RALYL: variants seen among roughly 807,000 people sequenced by gnomAD.
The protein encoded by RALYL is RNA-binding Raly-like protein.
Under a neutral mutation model 35.1 loss-of-function variants are expected in RALYL, and 29 were observed. That is an observed-to-expected ratio of 0.83 (90% CI 0.61 to 1.13). RALYL has a LOEUF of 1.13. RALYL is among the 50% of genes most tolerant of loss of function. The probability of loss-of-function intolerance (pLI) is 0.00; values close to 1 mark genes in which losing one functional copy is unlikely to be tolerated. For synonymous variants in RALYL, 120 were observed against 127.6 expected (o/e 0.94, Z 0.40); for missense variants, 359 against 360.4 (o/e 1.00, Z 0.03).
chr8:84,215,206 A>G (rs1044123117), intron 1 of RALYL, among the ~76,000 whole-genome samples: 3 of 152,172 alleles, frequency 2.0e-5, no homozygotes, highest in Non-Finnish European at 4.4e-5. Context: ...ACCAAAATAT[A>G]GTACACATTT....
At position 84,184,345 on chromosome 8, in the gene RALYL, G is replaced by GA. The variant is rs11369940; in HGVS notation, c.-92dup. 0.75 allele frequency: 110,760 copies of GA among 148,258 alleles called. 41,346 individuals are homozygous for GA. Among genetic ancestry groups the GA allele is most frequent in the Middle Eastern group, 0.79 (223 of 284 alleles). The allele number at this position is 148,258 out of a possible 1,614,324, so 9.2% of individuals were successfully genotyped here. A position where few individuals can be genotyped will look rare whatever the true frequency, so the allele number is the denominator to read the frequency against. On this transcript the variant is annotated 5_prime_UTR_variant, in exon 1 of 9. The change creates a new upstream start codon in the 5' untranslated region. Coordinates refer to ENST00000521268, the MANE Select transcript of RALYL (RefSeq NM_173848.7). ...ATGATGGCAGTGGAAGGTTTTTCTG[G>GA]AAAAAAAAAAATGAAGTGCGGTTTG...
chr8:84,887,456 T>A (rs544181154), intron 7 of RALYL, 148 bp from the exon 8 acceptor site: 29 of 544,240 alleles, frequency 5.3e-5, no homozygotes, highest in African/African-American at 4.2e-4. Context: ...ATTGAAAAAA[T>A]TCAACTTAAA....
intron 6 of RALYL, chr8:84,864,729 G>A: frequency 1.8e-6 from 1 of 569,510 alleles, no homozygotes; most frequent in Non-Finnish European, 3.4e-6. Context: ...CTTGAGTCAG[G>A]GAGCTTGGCA....
chr8:84,403,884 AG>A (rs1443884830), intron 1 of RALYL, among the ~76,000 whole-genome samples: 2 of 152,032 alleles, frequency 1.3e-5, no homozygotes, highest in African/African-American at 4.8e-5. Flanking sequence ...CTCCTTGAAG[AG>A]GTCCTTTATA....
chr8:84,744,157 T>C (rs977506756), intron 2 of RALYL, among the ~76,000 whole-genome samples: 1 of 151,906 alleles, frequency 6.6e-6, no homozygotes, highest in African/African-American at 2.4e-5. Flanking sequence ...CAGGAGATAG[T>C]TAGATATTGG....
intron 3 of RALYL, among the ~76,000 whole-genome samples, chr8:84,779,139 A>G (rs905555879): frequency 5.3e-5 from 8 of 152,224 alleles, no homozygotes; most frequent in African/African-American, 1.9e-4. Flanking sequence ...GTAACTTTTA[A>G]TAAATTGCTG....
chr8:84,388,575 A>G (rs1463743503), intron 1 of RALYL, among the ~76,000 whole-genome samples: 2 of 152,000 alleles, frequency 1.3e-5, no homozygotes, highest in African/African-American at 4.8e-5. Flanking sequence ...TTTGATTTGC[A>G]TTTCTCTGAT....
intron 1 of RALYL, among the ~76,000 whole-genome samples, chr8:84,317,199 C>G (rs965070634): frequency 1.3e-5 from 2 of 151,224 alleles, no homozygotes; most frequent in Non-Finnish European, 2.9e-5. Flanking sequence ...GTATGAGATA[C>G]AGCAAAGAGA....
intron 2 of RALYL, among the ~76,000 whole-genome samples, chr8:84,695,492 G>C (rs1838941817): frequency 6.6e-6 from 1 of 151,638 alleles, no homozygotes; most frequent in Non-Finnish European, 1.5e-5. Flanking sequence ...CATTCTCTTT[G>C]ATATAAACAG....
At chr8:84,835,284 A>C (rs1831720333) in intron 4 of RALYL, among the ~76,000 whole-genome samples, 1 of 152,184 alleles carries the variant, frequency 6.6e-6, no homozygotes, top group Non-Finnish European at 1.5e-5. Context: ...AAAAAGCTAT[A>C]ATCAAAGAAT....
intron 2 of RALYL, among the ~76,000 whole-genome samples, chr8:84,547,099 T>C (rs1037609037): frequency 6.6e-6 from 1 of 152,132 alleles, no homozygotes; most frequent in Non-Finnish European, 1.5e-5. Flanking sequence ...ATTAGGTATT[T>C]ATCCTAATGC....
intron 1 of RALYL, among the ~76,000 whole-genome samples, chr8:84,342,284 A>ATG (rs1848960802): frequency 9.0e-6 from 1 of 110,798 alleles, no homozygotes; most frequent in African/African-American, 3.8e-5. Flanking sequence ...TTCAATATAT[A>ATG]TATATATATA....
Position 84,242,201 on chromosome 8 carries a change from C to T in RALYL, c.-24+57777C>T, listed in dbSNP as rs145660002. 3.9e-5 allele frequency among the ~76,000 whole-genome samples: 6 copies of T among 152,306 alleles called. No homozygotes were observed. The East Asian group carries it at 1.2e-3, about 29-fold the overall frequency. ...ACGGTCTTATTCCTTTTAATGGCTGCATAGTATTCCATAGTGCATATGTAC... is the reference window on the plus strand; with the variant it reads ...ACGGTCTTATTCCTTTTAATGGCTGTATAGTATTCCATAGTGCATATGTAC... On this transcript the variant is annotated intron_variant, in intron 1 of 8. Coordinates refer to ENST00000521268, the MANE Select transcript of RALYL (RefSeq NM_173848.7).
At chr8:84,385,495 C>T (rs1858980036) in intron 1 of RALYL, among the ~76,000 whole-genome samples, 1 of 151,710 alleles carries the variant, frequency 6.6e-6, no homozygotes, top group South Asian at 2.1e-4. Context: ...ATGAGTACAC[C>T]TTATCCATCT....
At chr8:84,678,256 G>GT (rs145771186) in intron 2 of RALYL, among the ~76,000 whole-genome samples, 3,280 of 151,618 alleles carry the variant, frequency 0.022, 133 homozygotes, top group African/African-American at 0.075. Context: ...TTTTTTTGTT[G>GT]TTTTTTTGTT....
At position 84,247,310 on chromosome 8, in the gene RALYL, C is replaced by G. The variant is rs183196701; in HGVS notation, c.-24+62886C>G. ...GACCATTAGGTTTTTCTTGGTGTTT[C>G]TTTATCATTCTTCTGTGATGTCTTA... On this transcript the variant is annotated intron_variant, in intron 1 of 8. Transcript: ENST00000521268. 2.2e-3 allele frequency among the ~76,000 whole-genome samples: 334 copies of G among 152,056 alleles called. 1 individual carries two copies. Among genetic ancestry groups the G allele is most frequent in the African/African-American group, 6.8e-3 (282 of 41,486 alleles).
intron 6 of RALYL, among the ~76,000 whole-genome samples, chr8:84,869,916 T>G (rs191936152): frequency 1.3e-4 from 20 of 152,284 alleles, no homozygotes; most frequent in Admixed American, 3.3e-4. Flanking sequence ...GAAGGCACAA[T>G]CATTTTGTCA....
intron 1 of RALYL, among the ~76,000 whole-genome samples, chr8:84,316,641 A>G (rs1309460813): frequency 6.6e-6 from 1 of 152,106 alleles, no homozygotes; most frequent in Non-Finnish European, 1.5e-5. Context: ...TTATTAAAGC[A>G]TGTTCAAATG....
At chr8:84,239,819 A>C (rs535195005) in intron 1 of RALYL, among the ~76,000 whole-genome samples, 173 of 152,242 alleles carry the variant, frequency 1.1e-3, no homozygotes, top group African/African-American at 3.8e-3. Flanking sequence ...GGAATCTGGG[A>C]GGCAGAGGCT....
Sources: gnomAD v4.1 joint callset for allele counts (sites outside exome capture counted in the v4.1 genomes callset) on GRCh38, gnomAD v4.1.1 for gene constraint, MANE v1.5 for transcripts, NCBI Gene and HGNC (gene_info 2026-07-23, HGNC 2026-07-21) for gene names.